MSH3: variants seen among roughly 807,000 people sequenced by gnomAD.
The protein encoded by MSH3 is DNA mismatch repair protein Msh3.
MSH3 carries 106 observed loss-of-function variants against 123.3 expected under a neutral mutation model. The observed-to-expected ratio is 0.86, with a 90% confidence interval of 0.73 to 1.01. The LOEUF (loss-of-function observed/expected upper bound fraction) is 1.01, where lower values mean the gene tolerates loss of function less well. Among genes scored for constraint, MSH3 ranks in the 50% least tolerant of loss-of-function variants. The pLI, the probability that MSH3 is intolerant of heterozygous loss-of-function variation, is 0.00. For synonymous variants in MSH3, 515 were observed against 481.4 expected, an observed-to-expected ratio of 1.07 and a Z score of -0.91; for missense variants, 1,459 against 1,347.6, an observed-to-expected ratio of 1.08 and a Z score of -1.29.
chr5:80,873,424 G>A, intron 23 of MSH3, 137 bp downstream of exon 23: 1 of 852,460 alleles, frequency 1.2e-6, no homozygotes, highest in Non-Finnish European at 1.8e-6. Context: ...ATTTAATTAT[G>A]ATGAAGTGAA....
chr5:80,693,905 C>T (rs1750410299), intron 8 of MSH3, among the ~76,000 whole-genome samples: 2 of 152,146 alleles, frequency 1.3e-5, no homozygotes, highest in African/African-American at 4.8e-5. Flanking sequence ...AATGATCCTC[C>T]TGCCTTGGCC....
At chr5:80,825,299 T>G (rs1239447303) in intron 20 of MSH3, among the ~76,000 whole-genome samples, 1 of 152,210 alleles carries the variant, frequency 6.6e-6, no homozygotes, top group East Asian at 1.9e-4. Flanking sequence ...CACTGATGTT[T>G]TTTGAAACAA....
intron 2 of MSH3, among the ~76,000 whole-genome samples, chr5:80,658,394 T>C (rs575056630): frequency 1.3e-5 from 2 of 152,276 alleles, no homozygotes; most frequent in South Asian, 4.1e-4. Context: ...AAGTGGGTGA[T>C]AGATGAAGAG....
chr5:80,656,451 A>G lies in MSH3; in HGVS notation c.278A>G (p.Asn93Ser). The stretch of plus-strand genomic sequence containing the variant: ...AGAAGAAAGAAGAGACCATTGGAAA[A>G]TGATGGGCCTGTTAAAAAGAAAGTA... The part of the protein sequence containing the change: ...IDRRKKRPLE[N>S]DGPVKKKVKK... The change falls in exon 2 of 24, where the codon AAT (asparagine) becomes AGT (serine). Residue 93 changes from asparagine (N) to serine (S), a missense_variant. Asn to Ser is a conservative substitution (Grantham distance 46). Coordinates refer to ENST00000265081, the MANE Select transcript of MSH3 (RefSeq NM_002439.5). The G allele has an allele frequency of 6.2e-7, 1 of 1,614,206 alleles. No individual in the cohort carries two copies. Among genetic ancestry groups the G allele is most frequent in the Non-Finnish European group, 8.5e-7 (1 of 1,180,020 alleles).
chr5:80,806,930 T>A (rs894677767), intron 19 of MSH3, among the ~76,000 whole-genome samples: 1 of 152,072 alleles, frequency 6.6e-6, no homozygotes, highest in Non-Finnish European at 1.5e-5. Flanking sequence ...TGGCTGGGTA[T>A]GGAGGCTTAC....
In MSH3 at chr5:80,666,052, A is replaced by G. The variant is rs1474822875; in HGVS notation, c.579+689A>G. ...GGGCATGGATATTTTTTAAAAGTTTACATTTTATTTTGTATTTTATTTTTA... is the reference window on the plus strand; with the variant it reads ...GGGCATGGATATTTTTTAAAAGTTTGCATTTTATTTTGTATTTTATTTTTA... On this transcript the variant is annotated intron_variant, in intron 3 of 23. Coordinates refer to ENST00000265081, the MANE Select transcript of MSH3 (RefSeq NM_002439.5). Among the ~76,000 whole-genome samples, 3 of 152,142 alleles carry G rather than the reference A, an allele frequency of 2.0e-5. No homozygotes were observed. The East Asian group carries it at 5.8e-4, about 29-fold the overall frequency.
intron 2 of MSH3, among the ~76,000 whole-genome samples, chr5:80,657,096 T>C (rs1275995579): frequency 6.6e-6 from 1 of 151,460 alleles, no homozygotes; most frequent in Non-Finnish European, 1.5e-5. Flanking sequence ...CTCTCCCCGC[T>C]TTTTTTTGCT....
At chr5:80,721,729 A>AATTC (rs2112852522) in intron 8 of MSH3, among the ~76,000 whole-genome samples, 1 of 152,362 alleles carries the variant, frequency 6.6e-6, no homozygotes, top group South Asian at 2.1e-4. Flanking sequence ...GGGAGACTGA[A>AATTC]AAACTATGCT....
At chr5:80,861,177 C>CT (rs1317771774) in intron 21 of MSH3, among the ~76,000 whole-genome samples, 1 of 152,194 alleles carries the variant, frequency 6.6e-6, no homozygotes, top group African/African-American at 2.4e-5. Flanking sequence ...GATGCTTGCT[C>CT]TGTCTCTTCA....
At chr5:80,708,042 TC>T (rs1653291540) in intron 8 of MSH3, among the ~76,000 whole-genome samples, 2 of 152,234 alleles carry the variant, frequency 1.3e-5, no homozygotes, top group Admixed American at 1.3e-4. Context: ...TGAATAAAAA[TC>T]CTTTGTCAGT....
At chr5:80,791,260 T>C (rs1744602011) in intron 18 of MSH3, among the ~76,000 whole-genome samples, 1 of 152,140 alleles carries the variant, frequency 6.6e-6, no homozygotes, top group African/African-American at 2.4e-5. Flanking sequence ...AGTCAAAAAA[T>C]GAAAATATTT....
intron 20 of MSH3, among the ~76,000 whole-genome samples, chr5:80,837,449 C>T (rs1227471928): frequency 6.6e-6 from 1 of 152,064 alleles, no homozygotes; most frequent in Non-Finnish European, 1.5e-5. Flanking sequence ...CATGGTGGTG[C>T]ACGCCTGTGG....
chr5:80,852,042 A>G (rs1172634442), intron 20 of MSH3, among the ~76,000 whole-genome samples: 1 of 152,222 alleles, frequency 6.6e-6, no homozygotes, highest in East Asian at 1.9e-4. Flanking sequence ...ACTGTATACA[A>G]CAGCCAGGCA....
At chr5:80,805,355 A>C (rs1174318216) in intron 19 of MSH3, among the ~76,000 whole-genome samples, 1 of 152,214 alleles carries the variant, frequency 6.6e-6, no homozygotes. Flanking sequence ...CATACACTTA[A>C]GTCTTCTTAA....
At chr5:80,874,826 T>C (rs2112130706) in intron 23 of MSH3, among the ~76,000 whole-genome samples, 1 of 152,360 alleles carries the variant, frequency 6.6e-6, no homozygotes, top group East Asian at 1.9e-4. Flanking sequence ...TTCCAACTAG[T>C]AAGTGACATT....
chr5:80,799,223 A>G (rs149239953), intron 19 of MSH3, among the ~76,000 whole-genome samples: 2 of 152,278 alleles, frequency 1.3e-5, no homozygotes, highest in African/African-American at 4.8e-5. Context: ...GCATCTCAAC[A>G]TGCAGCTGGT....
At chr5:80,858,984 A>G (rs1409489498) in intron 21 of MSH3, among the ~76,000 whole-genome samples, 5 of 152,102 alleles carry the variant, frequency 3.3e-5, no homozygotes, top group African/African-American at 1.2e-4. Flanking sequence ...ATTATATAAT[A>G]TCCTTCTTTA....
chr5:80,871,548 C>T (rs1025978088), intron 22 of MSH3, among the ~76,000 whole-genome samples: 2 of 152,152 alleles, frequency 1.3e-5, no homozygotes, highest in Non-Finnish European at 2.9e-5. Flanking sequence ...CCAATATCTG[C>T]TTCCAAGCCC....
intron 9 of MSH3, among the ~76,000 whole-genome samples, chr5:80,726,428 A>G (rs1003895201): frequency 6.6e-6 from 1 of 152,170 alleles, no homozygotes; most frequent in Non-Finnish European, 1.5e-5. Context: ...CTTTAATTTC[A>G]TGATGCCTTG....
Sources: gnomAD v4.1 joint callset for allele counts (sites outside exome capture counted in the v4.1 genomes callset) on GRCh38, gnomAD v4.1.1 for gene constraint, MANE v1.5 for transcripts, NCBI Gene and HGNC (gene_info 2026-07-23, HGNC 2026-07-21) for gene names.